METTL8: variants seen among roughly 807,000 people sequenced by gnomAD.
METTL8 encodes methyltransferase 8, tRNA N3-cytidine.
In METTL8, 32 loss-of-function variants were observed where a neutral mutation model predicts 48.7. The ratio of observed to expected loss-of-function variants is 0.66; its 90% CI spans 0.50 to 0.88. The LOEUF (loss-of-function observed/expected upper bound fraction) is 0.88, where lower values mean the gene tolerates loss of function less well. Among genes scored for constraint, METTL8 ranks in the 40% least tolerant of loss-of-function variants. The probability of loss-of-function intolerance (pLI) is 0.00; values close to 1 mark genes in which losing one functional copy is unlikely to be tolerated. For synonymous variants in METTL8, 136 were observed against 157.1 expected, an observed-to-expected ratio of 0.87 and a Z score of 1.01; for missense variants, 464 against 474.4, an observed-to-expected ratio of 0.98 and a Z score of 0.20.
At chr2:171,404,960 A>G (rs542089052) in intron 1 of METTL8, among the ~76,000 whole-genome samples, 6 of 152,314 alleles carry the variant, frequency 3.9e-5, no homozygotes, top group Admixed American at 6.5e-5. Context: ...GGGAGAATCA[A>G]TGAATTTCTT....
intron 2 of METTL8, among the ~76,000 whole-genome samples, chr2:171,366,349 A>G (rs1156724327): frequency 6.6e-6 from 1 of 152,200 alleles, no homozygotes; most frequent in East Asian, 1.9e-4. Context: ...TCCCACCCAA[A>G]CAACACCTAA....
intron 1 of METTL8, among the ~76,000 whole-genome samples, chr2:171,399,419 A>C (rs575947399): frequency 3.0e-4 from 45 of 152,176 alleles, no homozygotes; most frequent in Non-Finnish European, 3.1e-4. Flanking sequence ...CAAATGTATA[A>C]AAGGACTTGG....
At position 171,324,046 on chromosome 2, in the gene METTL8, A is replaced by G; in HGVS notation, c.*126T>C. ...TTAAAATGCACAAAGGAGCTCACCTATGACAAAACGGCAGGAAATACAAAT... is the reference window on the plus strand; with the variant it reads ...TTAAAATGCACAAAGGAGCTCACCTGTGACAAAACGGCAGGAAATACAAAT... On this transcript the variant is annotated 3_prime_UTR_variant, in exon 10 of 10. Transcript: ENST00000375258. The G allele has an allele frequency of 1.3e-6, 1 of 778,110 alleles. No homozygotes were observed. Among genetic ancestry groups the G allele is most frequent in the East Asian group, 2.7e-5 (1 of 36,846 alleles). 48.2% of individuals were successfully genotyped at this position (778,110 alleles called of 1,614,324 possible).
intron 1 of METTL8, among the ~76,000 whole-genome samples, chr2:171,396,762 A>C (rs1689103875): frequency 6.6e-6 from 1 of 152,228 alleles, no homozygotes; most frequent in African/African-American, 2.4e-5. Context: ...ATGGGATGCA[A>C]CTAAAGCAGT....
chr2:171,334,371 T>C (rs1685868943), intron 5 of METTL8, among the ~76,000 whole-genome samples: 1 of 152,118 alleles, frequency 6.6e-6, no homozygotes, highest in Admixed American at 6.5e-5. Flanking sequence ...CCAGAACCTT[T>C]CTGTAAAATC....
chr2:171,340,336 T>C (rs1686600210), intron 3 of METTL8, among the ~76,000 whole-genome samples: 2 of 151,026 alleles, frequency 1.3e-5, no homozygotes, highest in South Asian at 4.2e-4. Context: ...ACTCCATCTC[T>C]ACTAAAAAAA....
At chr2:171,434,431 C>T (rs1238829542), upstream of METTL8, 3 of 1,412,724 alleles carry the variant, frequency 2.1e-6, no homozygotes, top group African/African-American at 4.3e-5. Flanking sequence ...CGGGTGCTCC[C>T]TGCCCGCCTC....
chr2:171,431,445 C>A (rs150272565), intron 1 of METTL8, among the ~76,000 whole-genome samples: 432 of 152,332 alleles, frequency 2.8e-3, no homozygotes, highest in African/African-American at 9.4e-3. Flanking sequence ...CTACTCCACT[C>A]ACTCTCCGGG....
intron 1 of METTL8, among the ~76,000 whole-genome samples, chr2:171,393,768 T>C (rs1688806144): frequency 6.6e-6 from 1 of 152,176 alleles, no homozygotes. Context: ...AAATGCCATA[T>C]ACTGTGCACT....
chr2:171,426,168 A>C (rs1692398144), intron 1 of METTL8, among the ~76,000 whole-genome samples: 1 of 152,188 alleles, frequency 6.6e-6, no homozygotes, highest in African/African-American at 2.4e-5. Flanking sequence ...AAAAACACAA[A>C]AACAAAACAA....
intron 3 of METTL8, among the ~76,000 whole-genome samples, chr2:171,349,362 C>T (rs939493175): frequency 2.0e-5 from 3 of 152,250 alleles, no homozygotes; most frequent in African/African-American, 7.2e-5. Flanking sequence ...CACCATTTTT[C>T]GTTCTATGAA....
At chr2:171,434,071 C>T (rs547996978), upstream of METTL8, 4,424 of 304,462 alleles carry the variant, frequency 0.015, 54 homozygotes, top group Non-Finnish European at 0.019. Context: ...ACCGCGCCCC[C>T]AGGGCTCTGC....
At chr2:171,325,707 A>G in intron 9 of METTL8, 134 bp downstream of exon 9, 1 of 620,162 alleles carries the variant, frequency 1.6e-6, no homozygotes, top group Admixed American at 3.2e-5. Flanking sequence ...AGTAATAAGC[A>G]TCAAAGTATG....
chr2:171,414,882 C>T (rs182486629), intron 1 of METTL8, among the ~76,000 whole-genome samples: 12 of 152,158 alleles, frequency 7.9e-5, no homozygotes, highest in African/African-American at 2.2e-4. Flanking sequence ...ATCATGGGGG[C>T]GGTTTCTCCC....
At chr2:171,409,236 C>T (rs992541553) in intron 1 of METTL8, among the ~76,000 whole-genome samples, 6 of 152,050 alleles carry the variant, frequency 3.9e-5, no homozygotes, top group Admixed American at 1.3e-4. Context: ...TCAGTGCGTT[C>T]GTAAAATTGA....
At chr2:171,398,135 C>T (rs950173201) in intron 1 of METTL8, among the ~76,000 whole-genome samples, 3 of 152,154 alleles carry the variant, frequency 2.0e-5, no homozygotes, top group African/African-American at 7.2e-5. Context: ...AGCAATTCTA[C>T]TTCTGGGTAT....
chr2:171,392,589 T>C (rs750531857), intron 1 of METTL8, among the ~76,000 whole-genome samples: 9 of 152,204 alleles, frequency 5.9e-5, no homozygotes, highest in Non-Finnish European at 1.2e-4. Context: ...AGGAAATATT[T>C]TGTGACCACT....
At chr2:171,368,184 T>G (rs1208997193) in intron 2 of METTL8, among the ~76,000 whole-genome samples, 2 of 152,248 alleles carry the variant, frequency 1.3e-5, no homozygotes, top group Non-Finnish European at 2.9e-5. Context: ...TATGAAATAT[T>G]GACCCTTGGG....
At chr2:171,386,642 G>C (rs898835974) in intron 2 of METTL8, among the ~76,000 whole-genome samples, 1 of 152,008 alleles carries the variant, frequency 6.6e-6, no homozygotes, top group Admixed American at 6.6e-5. Context: ...CAATATGGAA[G>C]GGAAGAGTGT....
Sources: allele counts gnomAD v4.1 joint callset (sites outside exome capture counted in the v4.1 genomes callset), GRCh38; gene constraint gnomAD v4.1.1; transcripts MANE v1.5; gene names NCBI Gene and HGNC (gene_info 2026-07-23, HGNC 2026-07-21).